ZNF804A: variants seen among roughly 807,000 people sequenced by gnomAD.
ZNF804A encodes the protein zinc finger protein 804A.
In ZNF804A, 2 loss-of-function variants were observed where a neutral mutation model predicts 16.5. The observed-to-expected ratio is 0.12, with a 90% CI of 0.05 to 0.38. The LOEUF (loss-of-function observed/expected upper bound fraction) is 0.38. Ranked by LOEUF, ZNF804A falls within the 10% of genes least tolerant of loss-of-function variation. The pLI is 0.99. For missense variants in ZNF804A, 1,473 were observed against 1,390.7 expected (o/e 1.06, Z -0.94); for synonymous variants, 534 against 489.6 (o/e 1.09, Z -1.20).
chr2:184,696,075 C>T (rs1015727321), intron 1 of ZNF804A, among the ~76,000 whole-genome samples: 1 of 152,086 alleles, frequency 6.6e-6, no homozygotes, highest in Non-Finnish European at 1.5e-5. Context: ...TTCTACACTT[C>T]TATAATGTAA....
At chr2:184,834,823 A>G (rs938284438) in intron 1 of ZNF804A, among the ~76,000 whole-genome samples, 1 of 152,130 alleles carries the variant, frequency 6.6e-6, no homozygotes, top group South Asian at 2.1e-4. Context: ...GTCAGTCTGG[A>G]TGTCTCAGCT....
At chr2:184,648,737 C>T (rs1328418835) in intron 1 of ZNF804A, among the ~76,000 whole-genome samples, 1 of 152,100 alleles carries the variant, frequency 6.6e-6, no homozygotes, top group African/African-American at 2.4e-5. Context: ...GAAGACTTAA[C>T]TAAACTATAT....
At chr2:184,921,987 A>T (rs1685535185) in intron 2 of ZNF804A, among the ~76,000 whole-genome samples, 1 of 152,102 alleles carries the variant, frequency 6.6e-6, no homozygotes, top group Admixed American at 6.6e-5. Context: ...TTATGTGTTT[A>T]TGTACCATAT....
chr2:184,626,997 G>T (rs559509267), intron 1 of ZNF804A, among the ~76,000 whole-genome samples: 3 of 152,076 alleles, frequency 2.0e-5, no homozygotes, highest in Admixed American at 6.5e-5. Flanking sequence ...ATAGCATCTC[G>T]TGTGGTTCTC....
At chr2:184,624,140 G>A (rs182381213) in intron 1 of ZNF804A, among the ~76,000 whole-genome samples, 54 of 152,234 alleles carry the variant, frequency 3.5e-4, no homozygotes, top group Admixed American at 5.2e-4. Context: ...GATTAAAGGA[G>A]TGTTGGCTCC....
intron 1 of ZNF804A, among the ~76,000 whole-genome samples, chr2:184,742,136 A>G (rs1018851225): frequency 3.3e-5 from 5 of 152,048 alleles, no homozygotes; most frequent in African/African-American, 1.2e-4. Context: ...TCATTTTGAA[A>G]AAAGTAACCT....
At chr2:184,918,810 G>A (rs1214647362) in intron 2 of ZNF804A, among the ~76,000 whole-genome samples, 2 of 152,016 alleles carry the variant, frequency 1.3e-5, no homozygotes, top group African/African-American at 4.8e-5. Flanking sequence ...CACCAGTAGG[G>A]GAGGGGTATA....
chr2:184,867,855 G>A (rs1035566130), intron 2 of ZNF804A, among the ~76,000 whole-genome samples: 3 of 152,076 alleles, frequency 2.0e-5, no homozygotes, highest in Non-Finnish European at 4.4e-5. Flanking sequence ...TTTTTCCTAT[G>A]TATCTAAAAG....
At chr2:184,647,350 G>A (rs1691895341) in intron 1 of ZNF804A, among the ~76,000 whole-genome samples, 4 of 152,192 alleles carry the variant, frequency 2.6e-5, no homozygotes, top group Admixed American at 2.6e-4. Context: ...TGAATGTAGT[G>A]ACGCCAACAA....
chr2:184,861,127 C>T (rs1216141260), intron 1 of ZNF804A, among the ~76,000 whole-genome samples: 1 of 152,150 alleles, frequency 6.6e-6, no homozygotes, highest in East Asian at 1.9e-4. Context: ...GCTCTGGGGC[C>T]CTGCCCAGCA....
chr2:184,727,886 G>T (rs1045622646), intron 1 of ZNF804A, among the ~76,000 whole-genome samples: 1 of 151,616 alleles, frequency 6.6e-6, no homozygotes, highest in Non-Finnish European at 1.5e-5. Context: ...GTTATTATTG[G>T]CATTTTGCAA....
chr2:184,767,939 T>A (rs1267544116), intron 1 of ZNF804A, among the ~76,000 whole-genome samples: 1 of 152,076 alleles, frequency 6.6e-6, no homozygotes, highest in Non-Finnish European at 1.5e-5. Flanking sequence ...AGCTGCTATA[T>A]GTAAGAAGCA....
intron 2 of ZNF804A, among the ~76,000 whole-genome samples, chr2:184,874,182 A>G (rs551121642): frequency 3.5e-4 from 53 of 152,274 alleles, no homozygotes; most frequent in African/African-American, 1.3e-3. Context: ...GACATGATTA[A>G]TCTCTCTTTA....
intron 1 of ZNF804A, among the ~76,000 whole-genome samples, chr2:184,705,190 A>G (rs1166006572): frequency 6.6e-6 from 1 of 152,180 alleles, no homozygotes; most frequent in Admixed American, 6.5e-5. Flanking sequence ...CTGGTTTCAT[A>G]GCATAATTGA....
chr2:184,729,906 A>G (rs1300752088), intron 1 of ZNF804A, among the ~76,000 whole-genome samples: 1 of 152,148 alleles, frequency 6.6e-6, no homozygotes, highest in Non-Finnish European at 1.5e-5. Context: ...TCCTTAGCTT[A>G]TCACGGTATG....
intron 1 of ZNF804A, among the ~76,000 whole-genome samples, chr2:184,825,926 C>G (rs1695159920): frequency 6.6e-6 from 1 of 151,936 alleles, no homozygotes; most frequent in Admixed American, 6.6e-5. Context: ...GGCTGGAGTG[C>G]AGTGGCACGA....
At chr2:184,610,905 A>G (rs1169915221) in intron 1 of ZNF804A, among the ~76,000 whole-genome samples, 1 of 152,176 alleles carries the variant, frequency 6.6e-6, no homozygotes, top group Admixed American at 6.5e-5. Flanking sequence ...CTATGTATGG[A>G]TTTACATAAT....
At chr2:184,717,650 G>C (rs541295774) in intron 1 of ZNF804A, among the ~76,000 whole-genome samples, 9 of 152,290 alleles carry the variant, frequency 5.9e-5, no homozygotes, top group Admixed American at 2.0e-4. Context: ...GTCACTTTTA[G>C]AGTATACTCA....
intron 1 of ZNF804A, among the ~76,000 whole-genome samples, chr2:184,803,150 G>A (rs947995355): frequency 1.3e-5 from 2 of 152,022 alleles, no homozygotes; most frequent in African/African-American, 2.4e-5. Flanking sequence ...ACATTGGCAC[G>A]TTATTGTTTC....
Sources: gnomAD v4.1 joint callset for allele counts (sites outside exome capture counted in the v4.1 genomes callset) on GRCh38, gnomAD v4.1.1 for gene constraint, MANE v1.5 for transcripts, NCBI Gene and HGNC (gene_info 2026-07-23, HGNC 2026-07-21) for gene names.